CAND2: variants seen among roughly 807,000 people sequenced by gnomAD.
The protein encoded by CAND2 is cullin-associated NEDD8-dissociated protein 2.
CAND2 carries 62 observed loss-of-function variants against 98.9 expected under a neutral mutation model. The ratio of observed to expected loss-of-function variants is 0.63; its 90% confidence interval spans 0.51 to 0.77. The LOEUF (loss-of-function observed/expected upper bound fraction) is 0.77. Among genes scored for constraint, CAND2 ranks in the 30% least tolerant of loss-of-function variants. CAND2 has a pLI of 0.00. For missense variants in CAND2, 1,501 were observed against 1,655.2 expected, an observed-to-expected ratio of 0.91 and a Z score of 1.62; for synonymous variants, 770 against 731.9, an observed-to-expected ratio of 1.05 and a Z score of -0.84.
At chr3:12,807,940 C>G (rs906925782) in intron 3 of CAND2, among the ~76,000 whole-genome samples, 1 of 152,208 alleles carries the variant, frequency 6.6e-6, no homozygotes, top group Non-Finnish European at 1.5e-5. Context: ...AAGTGTTTAA[C>G]TTTCCCTGCC....
chr3:12,817,189 G>A lies in CAND2; in HGVS notation c.2257G>A (p.Val753Ile), dbSNP rs371343591. ...GCGTTCGCCCCTGTTGCCAGCCGGG[G>A]TTCTGGCAGCTGCTGAAGGCTTCCT... ...LLRSPLLPAGVLAAAEGFLQA... is the reference protein window; with the variant it reads ...LLRSPLLPAGILAAAEGFLQA... The change falls in exon 10 of 15, where the codon GTT becomes ATT. Residue 753 changes from valine (V) to isoleucine (I), a missense_variant. Physicochemically the swap from Val to Ile is conservative, Grantham distance 29. This residue lies in a region of CAND2 where 1,427 missense variants were observed against 1,545.3 expected (regional missense o/e 0.92). Coordinates refer to ENST00000456430, the MANE Select transcript of CAND2 (RefSeq NM_001162499.2). 14 of 1,613,338 alleles carry A rather than the reference G, an allele frequency of 8.7e-6. No individual in the cohort carries two copies. The highest frequency in any genetic ancestry group is 1.0e-5 in the Non-Finnish European group (12 of 1,180,020).
In CAND2 at chr3:12,832,272, G is replaced by GT. The variant is rs1233567100; in HGVS notation, c.3483+701dup. Reference sequence around the variant, plus strand: ...TAGTTTATTCATAGAAACCTGCCTTGTAAGTTTACATTTTTAACATATGCT... The same window carrying GT: ...TAGTTTATTCATAGAAACCTGCCTTGTTAAGTTTACATTTTTAACATATGCT... On this transcript the variant is annotated intron_variant, in intron 14 of 14. Transcript: ENST00000456430. 3 of 152,186 alleles carry GT rather than the reference G, an allele frequency of 2.0e-5. 1 individual carries two copies. The highest frequency in any genetic ancestry group is 1.3e-4 in the Admixed American group (2 of 15,280). 9.4% of individuals were successfully genotyped at this position (152,186 alleles called of 1,614,324 possible).
chr3:12,807,426 G>C lies in CAND2; in HGVS notation c.333G>C (p.Lys111Asn), dbSNP rs951954729. ...GAGACATTGCCGGCATTGGCCTCAA[G>C]ACCGTCCTCTCGGAGCTCCCTCCTG... is the stretch of plus-strand genomic sequence containing the variant. ...QLRDIAGIGL[K>N]TVLSELPPAA... is the part of the protein sequence containing the mutation. The change falls in exon 3 of 15, where the codon AAG (lysine) becomes AAC (asparagine). Residue 111 changes from lysine to asparagine, a missense_variant. Coordinates refer to ENST00000456430, the MANE Select transcript of CAND2 (RefSeq NM_001162499.2). 1.3e-5 allele frequency: 20 copies of C among 1,551,530 alleles called. No homozygotes were observed. Among genetic ancestry groups the C allele is most frequent in the Non-Finnish European group, 1.7e-5 (20 of 1,146,988 alleles).
chr3:12,817,198 G>T lies in CAND2; in HGVS notation c.2266G>T (p.Ala756Ser). 1 of 1,613,414 alleles carries T rather than the reference G, an allele frequency of 6.2e-7. No homozygotes were observed. The change falls in exon 10 of 15, where the codon GCT becomes TCT. Residue 756 changes from alanine (A) to serine (S), a missense_variant. Ala to Ser is a moderately conservative substitution (Grantham distance 99, BLOSUM62 1). Coordinates refer to ENST00000456430, the MANE Select transcript of CAND2 (RefSeq NM_001162499.2). Reference protein sequence around the residue: ...SPLLPAGVLAAAEGFLQALVG... With the variant: ...SPLLPAGVLASAEGFLQALVG... The stretch of plus-strand genomic sequence containing the variant: ...CCTGTTGCCAGCCGGGGTTCTGGCA[G>T]CTGCTGAAGGCTTCCTGCAGGCCCT...
rs921551381 is a variant in CAND2, at chr3:12,812,034, A to C, written c.758-956A>C. Among the ~76,000 whole-genome samples, 4 of 147,690 alleles carry C rather than the reference A, an allele frequency of 2.7e-5. No homozygotes were observed. In the East Asian group the frequency reaches 6.2e-4, roughly 23 times the overall value. ...TCAAGCAATTCTGCCTCAGCCTCCC[A>C]AGTAGCTGGGATTACAGGGGCGCAC... On this transcript the variant is annotated intron_variant, in intron 5 of 14. Coordinates refer to ENST00000456430, the MANE Select transcript of CAND2 (RefSeq NM_001162499.2).
intron 12 of CAND2, 70 bp downstream of exon 12, chr3:12,825,709 CATT>C: frequency 1.4e-6 from 2 of 1,465,586 alleles, no homozygotes; most frequent in Non-Finnish European, 1.9e-6. Context: ...ACTGTTAGGG[CATT>C]ATTATCTCAT....
chr3:12,808,748 G>A (rs542767892), intron 4 of CAND2, among the ~76,000 whole-genome samples: 31 of 152,296 alleles, frequency 2.0e-4, no homozygotes, highest in African/African-American at 7.2e-4. Context: ...CTAAAAGAGA[G>A]TGCTGCTAGA....
In CAND2 at chr3:12,833,661, G is replaced by A. The variant is rs2062073778; in HGVS notation, c.3484-94G>A. On this transcript the variant is annotated intron_variant, in intron 14 of 14. Transcript: ENST00000456430. ...AGCAGGGATTTATGTTGGGGAAGAT[G>A]ATGGGGCAGAGAGGAAGCCAAAGAC... 6.3e-6 allele frequency: 6 copies of A among 957,854 alleles called. No homozygotes were observed. The East Asian group carries it at 1.4e-4, about 23-fold the overall frequency. 59.3% of individuals were successfully genotyped at this position (957,854 alleles called of 1,614,324 possible). A position where few individuals can be genotyped will look rare whatever the true frequency, so the allele number is the denominator to read the frequency against.
chr3:12,810,688 C>A (rs968396821), intron 5 of CAND2, among the ~76,000 whole-genome samples: 1 of 152,248 alleles, frequency 6.6e-6, no homozygotes, highest in Non-Finnish European at 1.5e-5. Context: ...AATTTTAAGT[C>A]ATGCCACTAA....
rs915773770 is a variant in CAND2 at position 12,825,129 on chromosome 3, T to C, written c.3041-341T>C. Among the ~76,000 whole-genome samples the C allele has an allele frequency of 7.2e-5, 11 of 151,916 alleles. No homozygotes were observed. In the South Asian group the frequency reaches 8.3e-4, roughly 11 times the overall value. On this transcript the variant is annotated intron_variant, in intron 11 of 14. Coordinates refer to ENST00000456430, the MANE Select transcript of CAND2 (RefSeq NM_001162499.2). ...AAAAATTTTTTTCTTTTTTTTTTTTTCAAGATAATGCTGAGGCACCACATT... is the reference window on the plus strand; with the variant it reads ...AAAAATTTTTTTCTTTTTTTTTTTTCCAAGATAATGCTGAGGCACCACATT...
intron 1 of CAND2, among the ~76,000 whole-genome samples, chr3:12,800,669 C>T (rs138499542): frequency 1.8e-3 from 278 of 152,238 alleles, no homozygotes; most frequent in African/African-American, 6.4e-3. Flanking sequence ...TTGTAGGCCC[C>T]GTTGTACTCA....
At chr3:12,801,285 G>A (rs1369635914) in intron 1 of CAND2, among the ~76,000 whole-genome samples, 4 of 151,460 alleles carry the variant, frequency 2.6e-5, no homozygotes, top group Admixed American at 6.6e-5. Flanking sequence ...TGATCCACCC[G>A]CCTCAGCCTC....
At chr3:12,820,296 C>G in intron 11 of CAND2, 115 bp downstream of exon 11, 1 of 721,630 alleles carries the variant, frequency 1.4e-6, no homozygotes, top group Non-Finnish European at 2.3e-6. Context: ...GGGAGGTGTG[C>G]CCATGATGGG....
At chr3:12,832,785 C>T (rs577430247) in intron 14 of CAND2, 2 of 152,328 alleles carry the variant, frequency 1.3e-5, no homozygotes, top group East Asian at 3.9e-4. Context: ...TGAGGGACAC[C>T]TGTACTACTC....
chr3:12,808,478 C>A, intron 4 of CAND2, 145 bp downstream of exon 4: 1 of 905,208 alleles, frequency 1.1e-6, no homozygotes, highest in Non-Finnish European at 1.7e-6. Flanking sequence ...AAGGAGAACT[C>A]AATTGTCACA....
chr3:12,805,580 A>G (rs1307730203), intron 2 of CAND2, among the ~76,000 whole-genome samples: 1 of 152,112 alleles, frequency 6.6e-6, no homozygotes, highest in East Asian at 1.9e-4. Context: ...GAGCCACCAC[A>G]CCCAGCCAGG....
chr3:12,821,003 G>A (rs927374807), intron 11 of CAND2, among the ~76,000 whole-genome samples: 3 of 152,218 alleles, frequency 2.0e-5, no homozygotes, highest in East Asian at 3.8e-4. Context: ...GGAGGCCAAG[G>A]CAGGTGGATC....
intron 13 of CAND2, among the ~76,000 whole-genome samples, chr3:12,828,254 T>C (rs1321558445): frequency 6.6e-6 from 1 of 152,070 alleles, no homozygotes; most frequent in Admixed American, 6.6e-5. Context: ...TATTCACATA[T>C]ATGATAGAAA....
Position 12,820,166 on chromosome 3 carries a change from C to T in CAND2, c.3025C>T (p.Leu1009=). ...SDQPHPIDPL[L]KSFIGEFMES... ...CCAGCCCCATCCCATTGACCCCCTC[C>T]TGAAGAGCTTCATCGGTGAGCACCT... Residue 1009 remains leucine (L), a synonymous_variant, in exon 11 of 15, where the codon CTG becomes TTG. Coordinates refer to ENST00000456430, the MANE Select transcript of CAND2 (RefSeq NM_001162499.2). The T allele has an allele frequency of 6.2e-7, 1 of 1,613,950 alleles. No homozygotes were observed. The highest frequency in any genetic ancestry group is 8.5e-7 in the Non-Finnish European group (1 of 1,179,808).
Sources: allele counts gnomAD v4.1 joint callset (sites outside exome capture counted in the v4.1 genomes callset), GRCh38; gene constraint gnomAD v4.1.1; regional missense constraint gnomAD v4.1.1; transcripts MANE v1.5; gene names NCBI Gene and HGNC (gene_info 2026-07-23, HGNC 2026-07-21).